Variants in CELF4 observed in about 807,000 individuals in gnomAD.
The protein encoded by CELF4 is CUGBP Elav-like family member 4, also known as CUG-BP- and ETR-3-like factor 4.
In CELF4, 18 loss-of-function variants were observed where a neutral mutation model predicts 59.9. The observed-to-expected ratio is 0.30, with a 90% CI of 0.21 to 0.45. The LOEUF is 0.45. CELF4 is among the 20% of genes least tolerant of loss of function. The pLI is 1.00. For synonymous variants in CELF4, 261 were observed against 267.1 expected (o/e 0.98, Z 0.22); for missense variants, 456 against 689.0 (o/e 0.66, Z 3.79).
At chr18:37,503,778 T>A (rs1353563110) in intron 1 of CELF4, among the ~76,000 whole-genome samples, 1 of 152,166 alleles carries the variant, frequency 6.6e-6, no homozygotes, top group Non-Finnish European at 1.5e-5. Flanking sequence ...TGGCTTCAAA[T>A]GAGATGGCAG....
rs145835248 is a variant in CELF4, at chr18:37,547,514, C to T, written c.286+17842G>A. On this transcript the variant is annotated intron_variant, in intron 1 of 12. Transcript: ENST00000420428. Reference sequence around the variant, plus strand: ...TGGGGCTGGGTGGCTCTTGGAAGGCCTGCCCAAAATTTCTCCAGGTCCTGC... The same window carrying T: ...TGGGGCTGGGTGGCTCTTGGAAGGCTTGCCCAAAATTTCTCCAGGTCCTGC... Among the ~76,000 whole-genome samples the T allele has an allele frequency of 7.2e-3, 1,099 of 152,298 alleles. 3 individuals carry two copies. The highest frequency in any genetic ancestry group is 0.041 in the Middle Eastern group (12 of 294).
At chr18:37,403,541 G>A (rs1193345878) in intron 2 of CELF4, among the ~76,000 whole-genome samples, 1 of 152,150 alleles carries the variant, frequency 6.6e-6, no homozygotes, top group Non-Finnish European at 1.5e-5. Context: ...GTGACTCCGT[G>A]TGACAGCATG....
At chr18:37,467,250 T>A (rs2099811343) in intron 2 of CELF4, among the ~76,000 whole-genome samples, 1 of 152,160 alleles carries the variant, frequency 6.6e-6, no homozygotes, top group South Asian at 2.1e-4. Flanking sequence ...ACTTCTACCA[T>A]CTGTCCTTGT....
chr18:37,531,495 C>G (rs1418836499), intron 1 of CELF4, among the ~76,000 whole-genome samples: 1 of 152,222 alleles, frequency 6.6e-6, no homozygotes, highest in Non-Finnish European at 1.5e-5. Flanking sequence ...CTCCGTGTGG[C>G]TAACACTGGT....
chr18:37,429,764 T>G (rs2154600052), intron 2 of CELF4, among the ~76,000 whole-genome samples: 1 of 152,318 alleles, frequency 6.6e-6, no homozygotes, highest in East Asian at 1.9e-4. Context: ...CCGTTTGGCC[T>G]TGCGCAGGGG....
At chr18:37,423,062 G>GCACACA (rs143795424) in intron 2 of CELF4, among the ~76,000 whole-genome samples, 3 of 27,630 alleles carry the variant, frequency 1.1e-4, no homozygotes, top group South Asian at 4.8e-3. Flanking sequence ...ATGCGCGCGC[G>GCACACA]CGCACACACA....
chr18:37,510,363 C>G (rs551980200), intron 1 of CELF4, among the ~76,000 whole-genome samples: 6 of 152,212 alleles, frequency 3.9e-5, no homozygotes, highest in African/African-American at 1.4e-4. Context: ...GGGACCCCTG[C>G]CTTCTTCCCC....
intron 1 of CELF4, among the ~76,000 whole-genome samples, chr18:37,499,463 C>A (rs1348008928): frequency 6.6e-6 from 1 of 152,172 alleles, no homozygotes; most frequent in Non-Finnish European, 1.5e-5. Flanking sequence ...AGAACAGGGT[C>A]CTGGCAGCAC....
chr18:37,275,091 C>G, intron 4 of CELF4, 24 bp downstream of exon 4: 5 of 1,609,592 alleles, frequency 3.1e-6, no homozygotes, highest in Non-Finnish European at 4.2e-6. Context: ...TCCGGGGCAT[C>G]CCTCCCGGCC....
intron 3 of CELF4, among the ~76,000 whole-genome samples, chr18:37,311,788 CAAAA>C (rs36044643): frequency 1.0e-5 from 1 of 100,264 alleles, no homozygotes. Context: ...GACTCCGTCT[CAAAA>C]AAAAAAAAAA....
intron 3 of CELF4, among the ~76,000 whole-genome samples, chr18:37,319,127 C>T (rs58343087): frequency 1.4e-4 from 22 of 152,346 alleles, no homozygotes; most frequent in African/African-American, 4.6e-4. Context: ...GCCTCCTGGC[C>T]GGGCCGTGTG....
intron 3 of CELF4, 69 bp from the exon 4 acceptor site, chr18:37,275,312 AG>A: frequency 8.3e-7 from 1 of 1,204,780 alleles, no homozygotes; most frequent in Non-Finnish European, 1.1e-6. Flanking sequence ...GCAAGGCCGG[AG>A]GGGGAGAGCG....
intron 2 of CELF4, among the ~76,000 whole-genome samples, chr18:37,328,330 G>A (rs149970573): frequency 3.3e-5 from 5 of 152,302 alleles, no homozygotes; most frequent in Non-Finnish European, 5.9e-5. Flanking sequence ...CTGATGCCCC[G>A]CAGGGAGCTG....
chr18:37,470,381 T>C (rs1342243015), intron 2 of CELF4, among the ~76,000 whole-genome samples: 1 of 152,226 alleles, frequency 6.6e-6, no homozygotes, highest in Non-Finnish European at 1.5e-5. Flanking sequence ...TTGGGTTGTC[T>C]ACTCAAAAGT....
At chr18:37,274,506 A>C in intron 5 of CELF4, 52 bp from the exon 6 acceptor site, 1 of 1,608,372 alleles carries the variant, frequency 6.2e-7, no homozygotes, top group Non-Finnish European at 8.5e-7. Flanking sequence ...CTCCGCCCGC[A>C]GCTGTCGGTG....
chr18:37,344,633 G>A (rs1414986566), intron 2 of CELF4, among the ~76,000 whole-genome samples: 11 of 152,258 alleles, frequency 7.2e-5, no homozygotes, highest in African/African-American at 2.2e-4. Flanking sequence ...AAAGGAGCCA[G>A]AGTCACCATG....
Position 37,253,684 on chromosome 18 carries a change from G to A in CELF4, c.*44+83C>T, listed in dbSNP as rs2067016179. ...GGGTCCAAGGCACCAGTGAGGGTCC[G>A]GCCCACGGAGGCCGGAGGAGGCGGC... On this transcript the variant is annotated intron_variant, in intron 12 of 12. Coordinates refer to ENST00000420428, the MANE Select transcript of CELF4 (RefSeq NM_020180.4). This position sits in a 1 kb window ranked among gnomAD's most constrained non-coding sequence, Gnocchi z 4.5. 13 of 1,090,852 alleles carry A rather than the reference G, an allele frequency of 1.2e-5. 1 individual carries two copies. The highest frequency in any genetic ancestry group is 3.3e-4 in the Middle Eastern group (1 of 3,076). The allele number at this position is 1,090,852 out of a possible 1,614,324, so 67.6% of individuals were successfully genotyped here.
intron 2 of CELF4, among the ~76,000 whole-genome samples, chr18:37,331,526 A>G (rs1049334684): frequency 6.6e-6 from 1 of 152,030 alleles, no homozygotes; most frequent in Admixed American, 6.6e-5. Flanking sequence ...GCTGGCTTTG[A>G]GTCAGGGTGG....
At chr18:37,373,556 T>C (rs73950715) in intron 2 of CELF4, among the ~76,000 whole-genome samples, 1,721 of 152,322 alleles carry the variant, frequency 0.011, 31 homozygotes, top group African/African-American at 0.039. Flanking sequence ...TATTTCCACT[T>C]GATCTTCACC....
Sources: gnomAD v4.1 joint callset for allele counts (sites outside exome capture counted in the v4.1 genomes callset) on GRCh38, gnomAD v4.1.1 for gene constraint, Gnocchi (gnomAD v3.1) non-coding constraint, MANE v1.5 for transcripts, NCBI Gene and HGNC (gene_info 2026-07-23, HGNC 2026-07-21) for gene names.